The following BCAS3 variants were observed in gnomAD, a reference collection of about 807,000 sequenced individuals.
The protein encoded by BCAS3 is BCAS4/BCAS3 fusion.
BCAS3 carries 53 observed loss-of-function variants against 116.1 expected under a neutral mutation model. The ratio of observed to expected loss-of-function variants is 0.46; its 90% CI spans 0.37 to 0.57. BCAS3 has a LOEUF of 0.57. Ranked by LOEUF, BCAS3 falls within the 20% of genes least tolerant of loss-of-function variation. The pLI, the probability that BCAS3 is intolerant of heterozygous loss-of-function variation, is 0.00. For synonymous variants in BCAS3, 391 were observed against 408.2 expected (o/e 0.96, Z 0.51); for missense variants, 917 against 1,165.4 (o/e 0.79, Z 3.10).
chr17:61,248,492 G>A lies in BCAS3; in HGVS notation c.2426-119835G>A, dbSNP rs2048143902. On this transcript the variant is annotated intron_variant, in intron 22 of 23. Coordinates refer to ENST00000407086, the MANE Select transcript of BCAS3 (RefSeq NM_017679.5). The surrounding 1 kb of genome is among the most constrained non-coding windows in gnomAD (Gnocchi z 4.3). ...GAAGGTCTAAGTCCCAGCCTGGCAT[G>A]AATTCCCAGAGAGCCTTGGGCCTTG... Among the ~76,000 whole-genome samples the A allele has an allele frequency of 6.6e-6, 1 of 152,166 alleles. No individual in the cohort carries two copies. The highest frequency in any genetic ancestry group is 1.5e-5 in the Non-Finnish European group (1 of 68,030).
chr17:60,990,442 G>A lies in BCAS3; in HGVS notation c.1486+207G>A, dbSNP rs906931144. Among the ~76,000 whole-genome samples the A allele has an allele frequency of 9.9e-5, 15 of 152,186 alleles. No homozygotes were observed. Among genetic ancestry groups the A allele is most frequent in the African/African-American group, 3.1e-4 (13 of 41,522 alleles). On this transcript the variant is annotated intron_variant, in intron 15 of 23. Transcript: ENST00000407086. The surrounding 1 kb of genome is among the most constrained non-coding windows in gnomAD (Gnocchi z 5.1). ...CTTTACCATGCTATTTTAACTCCCT[G>A]TTTCAATATATAAGGGATATTTGGT...
rs931838492 is a variant in BCAS3, at chr17:61,362,508, C to T, written c.2426-5819C>T. ...ACTATCAGCTTAGAGGAGCATCCTA[C>T]CTGTCCCCCTCCACCTGCAGTCACT... On this transcript the variant is annotated intron_variant, in intron 22 of 23. Coordinates refer to ENST00000407086, the MANE Select transcript of BCAS3 (RefSeq NM_017679.5). The surrounding 1 kb of genome is among the most constrained non-coding windows in gnomAD (Gnocchi z 4.4). 6.6e-6 allele frequency among the ~76,000 whole-genome samples: 1 copy of T among 152,198 alleles called. No homozygotes were observed. Among genetic ancestry groups the T allele is most frequent in the Admixed American group, 6.5e-5 (1 of 15,282 alleles).
chr17:61,106,662 G>A lies in BCAS3; in HGVS notation c.2425+22098G>A, dbSNP rs149153644. Among the ~76,000 whole-genome samples, 244 of 152,206 alleles carry A rather than the reference G, an allele frequency of 1.6e-3. No homozygotes were observed. Among genetic ancestry groups the A allele is most frequent in the African/African-American group, 5.7e-3 (236 of 41,534 alleles). ...CGTATCCCCATAGATAAGGAGCGGG[G>A]GACAGTTGTAGAATAAATTATATTT... On this transcript the variant is annotated intron_variant, in intron 22 of 23. Transcript: ENST00000407086. This position sits in a 1 kb window ranked among gnomAD's most constrained non-coding sequence, Gnocchi z 4.2.
At position 61,032,962 on chromosome 17, in the gene BCAS3, C is replaced by T. The variant is rs2066752539; in HGVS notation, c.1638-1704C>T. On this transcript the variant is annotated intron_variant, in intron 16 of 23. Transcript: ENST00000407086. The surrounding 1 kb of genome is among the most constrained non-coding windows in gnomAD (Gnocchi z 4.6). ...AGACCAAAGGGACCAATCATAGTTGCCTCTGATCCAGACTTAGCCATCCTT... is the reference window on the plus strand; with the variant it reads ...AGACCAAAGGGACCAATCATAGTTGTCTCTGATCCAGACTTAGCCATCCTT... Among the ~76,000 whole-genome samples the T allele has an allele frequency of 6.6e-6, 1 of 152,048 alleles. No homozygotes were observed. The highest frequency in any genetic ancestry group is 6.6e-5 in the Admixed American group (1 of 15,254).
chr17:61,266,716 C>A (rs1041544056), intron 22 of BCAS3, among the ~76,000 whole-genome samples: 1 of 152,182 alleles, frequency 6.6e-6, no homozygotes, highest in Non-Finnish European at 1.5e-5. Context: ...CAGCCCTTTG[C>A]ACCTTCTGTT....
intron 22 of BCAS3, among the ~76,000 whole-genome samples, chr17:61,338,800 G>A (rs145382459): frequency 9.2e-4 from 133 of 144,112 alleles, no homozygotes; most frequent in African/African-American, 3.2e-3. Context: ...ATTTTCCCCT[G>A]TGACACTGAA....
intron 22 of BCAS3, among the ~76,000 whole-genome samples, chr17:61,172,136 G>A (rs9903205): frequency 0.66 from 100,247 of 152,076 alleles, 35,821 homozygotes; most frequent in South Asian, 0.85. Flanking sequence ...ATGTAGAATT[G>A]GGTGAACACA....
rs565121812 is a variant in BCAS3, at chr17:60,707,202, A to G, written c.215-2017A>G. On this transcript the variant is annotated intron_variant, in intron 4 of 23. Transcript: ENST00000407086. The stretch of plus-strand genomic sequence containing the variant: ...GAGACCGGGTTTCTCCATGTTGGTC[A>G]GGCTGGTCTCGAATTCCCGACCTCA... Among the ~76,000 whole-genome samples the G allele has an allele frequency of 2.6e-5, 4 of 152,204 alleles. No homozygotes were observed. The East Asian group carries it at 7.7e-4, about 29-fold the overall frequency.
At position 61,387,249 on chromosome 17, in the gene BCAS3, C is replaced by T. The variant is rs963463658; in HGVS notation, c.2594-4728C>T. Among the ~76,000 whole-genome samples, 1 of 152,172 alleles carries T rather than the reference C, an allele frequency of 6.6e-6. No homozygotes were observed. Among genetic ancestry groups the T allele is most frequent in the Admixed American group, 6.5e-5 (1 of 15,276 alleles). On this transcript the variant is annotated intron_variant, in intron 23 of 23. Coordinates refer to ENST00000407086, the MANE Select transcript of BCAS3 (RefSeq NM_017679.5). This position sits in a 1 kb window ranked among gnomAD's most constrained non-coding sequence, Gnocchi z 6.2. ...GCACTGTGGGTGGAGGTGCATGGGC[C>T]CATGCTGCACGGCCCAGCTCAGGAG...
chr17:61,070,025 T>C, intron 19 of BCAS3: 2 of 1,595,568 alleles, frequency 1.3e-6, no homozygotes, highest in Non-Finnish European at 1.7e-6. Context: ...CCGAAGACAC[T>C]GCGACTCTGG....
In BCAS3 at chr17:61,106,180, CTT is replaced by C. The variant is rs930087480; in HGVS notation, c.2425+21617_2425+21618del. The stretch of plus-strand genomic sequence containing the variant: ...TATTGTTGTTAATCTTTGTGCCTAA[CTT>C]ATAAATTAAACTGTATCATAGGTCT... On this transcript the variant is annotated intron_variant, in intron 22 of 23. Coordinates refer to ENST00000407086, the MANE Select transcript of BCAS3 (RefSeq NM_017679.5). The surrounding 1 kb of genome is among the most constrained non-coding windows in gnomAD (Gnocchi z 4.2). 4.0e-4 allele frequency among the ~76,000 whole-genome samples: 61 copies of C among 152,124 alleles called. No homozygotes were observed. Among genetic ancestry groups the C allele is most frequent in the African/African-American group, 1.4e-3 (60 of 41,414 alleles).
chr17:61,060,507 T>C (rs1194466230), intron 19 of BCAS3, among the ~76,000 whole-genome samples: 1 of 152,112 alleles, frequency 6.6e-6, no homozygotes, highest in Non-Finnish European at 1.5e-5. Flanking sequence ...TCTAGAAAAG[T>C]ATTACTATGA....
At chr17:60,979,180 G>A (rs1198441090) in intron 14 of BCAS3, among the ~76,000 whole-genome samples, 4 of 151,184 alleles carry the variant, frequency 2.6e-5, no homozygotes, top group African/African-American at 7.3e-5. Context: ...TTATTTCCTC[G>A]AGCAGTGGTT....
chr17:61,222,755 G>A lies in BCAS3; in HGVS notation c.2425+138191G>A, dbSNP rs2082177380. 6.6e-6 allele frequency among the ~76,000 whole-genome samples: 1 copy of A among 152,170 alleles called. No individual in the cohort carries two copies. The highest frequency in any genetic ancestry group is 6.5e-5 in the Admixed American group (1 of 15,276). On this transcript the variant is annotated intron_variant, in intron 22 of 23. Transcript: ENST00000407086. This position sits in a 1 kb window ranked among gnomAD's most constrained non-coding sequence, Gnocchi z 6.1. Reference sequence around the variant, plus strand: ...GGCCATGGCCACTCTGCGACTCCAGGTCGATTCGTCTGCCTGTTGGCTTTT... The same window carrying A: ...GGCCATGGCCACTCTGCGACTCCAGATCGATTCGTCTGCCTGTTGGCTTTT...
At chr17:60,810,428 A>T (rs1598870538) in intron 7 of BCAS3, 1 of 556,574 alleles carries the variant, frequency 1.8e-6, no homozygotes, top group Non-Finnish European at 3.4e-6. Flanking sequence ...CAAAGCCTGG[A>T]CGATTGCCTG....
chr17:60,717,553 G>C (rs955625795), intron 5 of BCAS3, among the ~76,000 whole-genome samples: 1 of 152,110 alleles, frequency 6.6e-6, no homozygotes, highest in Admixed American at 6.6e-5. Flanking sequence ...CAAGGAGGCA[G>C]TTTAGCTGGA....
At position 61,309,873 on chromosome 17, in the gene BCAS3, A is replaced by G. The variant is rs749789771; in HGVS notation, c.2426-58454A>G. 3.9e-5 allele frequency among the ~76,000 whole-genome samples: 6 copies of G among 152,210 alleles called. No individual in the cohort carries two copies. Among genetic ancestry groups the G allele is most frequent in the Non-Finnish European group, 8.8e-5 (6 of 68,032 alleles). The stretch of plus-strand genomic sequence containing the variant: ...AGTCAAATGACAGCTTGTTTAAGGA[A>G]GCCATGAACTAGCAAATGTAGTTAA... On this transcript the variant is annotated intron_variant, in intron 22 of 23. Transcript: ENST00000407086. This position sits in a 1 kb window ranked among gnomAD's most constrained non-coding sequence, Gnocchi z 4.6.
At chr17:61,386,796 GT>G (rs57275173) in intron 23 of BCAS3, among the ~76,000 whole-genome samples, 4,345 of 113,418 alleles carry the variant, frequency 0.038, 150 homozygotes, top group African/African-American at 0.099. Context: ...TTTGTTTTTT[GT>G]TTTTTTTTTT....
chr17:60,695,539 A>G (rs2035482603), intron 4 of BCAS3, among the ~76,000 whole-genome samples: 2 of 152,306 alleles, frequency 1.3e-5, no homozygotes, highest in South Asian at 4.1e-4. Flanking sequence ...GAATTGTTGT[A>G]TCATATGGTA....
Sources: allele counts gnomAD v4.1 joint callset (sites outside exome capture counted in the v4.1 genomes callset), GRCh38; gene constraint gnomAD v4.1.1; non-coding constraint Gnocchi (gnomAD v3.1); transcripts MANE v1.5; gene names NCBI Gene and HGNC (gene_info 2026-07-23, HGNC 2026-07-21).